Variants in KLHL1 observed in about 807,000 individuals in gnomAD.
KLHL1 encodes kelch-like protein 1.
A neutral mutation model predicts 77.7 loss-of-function variants in KLHL1; 47 were observed. That is an observed-to-expected ratio of 0.60 (90% CI 0.48 to 0.77). KLHL1 has a LOEUF of 0.77. Among genes scored for constraint, KLHL1 ranks in the 30% least tolerant of loss-of-function variants. The pLI is 0.00. For synonymous variants in KLHL1, 360 were observed against 325.2 expected (o/e 1.11, Z -1.15); for missense variants, 925 against 910.8 (o/e 1.02, Z -0.20).
intron 4 of KLHL1, among the ~76,000 whole-genome samples, chr13:69,906,308 T>C (rs550528888): frequency 6.6e-6 from 1 of 152,102 alleles, no homozygotes; most frequent in South Asian, 2.1e-4. Context: ...TGTCTTTGAT[T>C]TTATTCAGTG....
intron 1 of KLHL1, among the ~76,000 whole-genome samples, chr13:70,105,067 T>C (rs1312819932): frequency 6.6e-6 from 1 of 152,016 alleles, no homozygotes; most frequent in Non-Finnish European, 1.5e-5. Flanking sequence ...ATTTGTCTAG[T>C]AAGAAACTAG....
chr13:69,867,392 T>C (rs1301965543), intron 5 of KLHL1, among the ~76,000 whole-genome samples: 5 of 152,076 alleles, frequency 3.3e-5, no homozygotes, highest in Admixed American at 3.3e-4. Flanking sequence ...ACAATCAATA[T>C]TTGTTTCAGT....
At chr13:70,002,959 A>C (rs527733659) in intron 1 of KLHL1, among the ~76,000 whole-genome samples, 1 of 151,802 alleles carries the variant, frequency 6.6e-6, no homozygotes, top group East Asian at 1.9e-4. Flanking sequence ...ACACATTTAA[A>C]TACTACCTAC....
Position 69,839,132 on chromosome 13 carries a change from A to G in KLHL1, c.1258T>C (p.Phe420Leu). ...TTTTGACATTCCAGATCATTCTTAA[A>G]TAATGCATGATTTTCTAGGTCAGCC... Reference protein sequence around the residue: ...ILADLENHALFKNDLECQKLI... With the variant: ...ILADLENHALLKNDLECQKLI... The change falls in exon 6 of 11, where the codon TTT becomes CTT. Residue 420 changes from phenylalanine to leucine, a missense_variant. Physicochemically the swap from Phe to Leu is conservative, Grantham distance 22. Transcript: ENST00000377844. The G allele has an allele frequency of 1.9e-6, 3 of 1,605,106 alleles. No homozygotes were observed. The highest frequency in any genetic ancestry group is 2.6e-6 in the Non-Finnish European group (3 of 1,175,056).
At chr13:70,053,509 G>A (rs1339942250) in intron 1 of KLHL1, among the ~76,000 whole-genome samples, 1 of 151,772 alleles carries the variant, frequency 6.6e-6, no homozygotes, top group African/African-American at 2.4e-5. Flanking sequence ...AGAGAAATAA[G>A]GAAATTAATT....
chr13:69,986,959 G>A (rs57361427), intron 1 of KLHL1, among the ~76,000 whole-genome samples: 23,614 of 151,658 alleles, frequency 0.16, 3,893 homozygotes, highest in African/African-American at 0.42. Context: ...ATATCCAACA[G>A]TAAATAATAT....
In KLHL1 at chr13:69,719,460, C is replaced by T; in HGVS notation, c.1924G>A (p.Val642Met). The T allele has an allele frequency of 1.2e-6, 2 of 1,613,602 alleles. No homozygotes were observed. Among genetic ancestry groups the T allele is most frequent in the Non-Finnish European group, 1.7e-6 (2 of 1,179,770 alleles). ...PMCKRRGGVG[V>M]ATCDGFLYAV... ...TAAAGAAAACCGTCACATGTGGCCA[C>T]TCCGACACCCCCTCTCCTCTTACAC... Residue 642 changes from valine (V) to methionine (M), a missense_variant, in exon 9 of 11, where the codon GTG (valine) becomes ATG (methionine). Val to Met is a conservative substitution (Grantham distance 21). Transcript: ENST00000377844.
At chr13:69,793,989 T>G (rs2138033050) in intron 7 of KLHL1, among the ~76,000 whole-genome samples, 1 of 152,264 alleles carries the variant, frequency 6.6e-6, no homozygotes, top group Non-Finnish European at 1.5e-5. Flanking sequence ...AGTGCAGAAC[T>G]TGCCAGAACT....
intron 5 of KLHL1, among the ~76,000 whole-genome samples, chr13:69,862,901 T>A (rs539560840): frequency 5.1e-4 from 78 of 152,244 alleles, no homozygotes; most frequent in Admixed American, 2.9e-3. Context: ...AATACATTTC[T>A]GATGTTTAAG....
chr13:69,919,850 T>G (rs950233771), intron 4 of KLHL1, among the ~76,000 whole-genome samples: 3 of 152,204 alleles, frequency 2.0e-5, no homozygotes, highest in African/African-American at 4.8e-5. Context: ...TTATTTCAGT[T>G]CTGACTATTC....
Position 69,859,935 on chromosome 13 carries a change from C to G in KLHL1, c.1228-20773G>C, listed in dbSNP as rs553688807. Reference sequence around the variant, plus strand: ...TCAGGAATAATAGAAGAAATTACAACAGAAAAACTCAATCTATCATCTGAA... The same window carrying G: ...TCAGGAATAATAGAAGAAATTACAAGAGAAAAACTCAATCTATCATCTGAA... On this transcript the variant is annotated intron_variant, in intron 5 of 10. Coordinates refer to ENST00000377844, the MANE Select transcript of KLHL1 (RefSeq NM_020866.3). Among the ~76,000 whole-genome samples the G allele has an allele frequency of 1.2e-3, 183 of 152,046 alleles. 2 individuals are homozygous for G. The highest frequency in any genetic ancestry group is 4.3e-3 in the African/African-American group (177 of 41,480).
chr13:70,095,461 A>T (rs1334421139), intron 1 of KLHL1, among the ~76,000 whole-genome samples: 1 of 152,188 alleles, frequency 6.6e-6, no homozygotes, highest in Non-Finnish European at 1.5e-5. Context: ...TCTGGGATTC[A>T]TCTATGTCCC....
chr13:69,919,283 T>G (rs1255468883), intron 4 of KLHL1, among the ~76,000 whole-genome samples: 1 of 152,190 alleles, frequency 6.6e-6, no homozygotes, highest in East Asian at 1.9e-4. Context: ...TAGAAATCTG[T>G]GCTTGTTATT....
intron 4 of KLHL1, among the ~76,000 whole-genome samples, chr13:69,928,169 T>G (rs566937960): frequency 6.6e-6 from 1 of 152,336 alleles, no homozygotes; most frequent in Non-Finnish European, 1.5e-5. Context: ...AGAACCTGAA[T>G]TCCAGTGGAA....
intron 2 of KLHL1, among the ~76,000 whole-genome samples, chr13:69,968,607 T>C (rs1417037754): frequency 6.6e-6 from 1 of 151,916 alleles, no homozygotes; most frequent in Admixed American, 6.6e-5. Flanking sequence ...AATATATGAA[T>C]TCTTATTTGT....
intron 4 of KLHL1, among the ~76,000 whole-genome samples, chr13:69,899,743 C>G (rs1159953528): frequency 1.3e-5 from 2 of 152,050 alleles, no homozygotes; most frequent in East Asian, 1.9e-4. Context: ...GGAAGGAGGT[C>G]TGGGATAACC....
chr13:69,950,424 A>G (rs1400588093), intron 3 of KLHL1, among the ~76,000 whole-genome samples: 1 of 151,632 alleles, frequency 6.6e-6, no homozygotes, highest in East Asian at 1.9e-4. Flanking sequence ...ACAATAGAGA[A>G]CATGTCTTAT....
intron 1 of KLHL1, among the ~76,000 whole-genome samples, chr13:70,088,864 AC>A (rs1887608746): frequency 6.6e-6 from 1 of 152,006 alleles, no homozygotes; most frequent in African/African-American, 2.4e-5. Context: ...AGAAAAAAAA[AC>A]TTATCAGGGC....
At chr13:69,882,524 T>C in intron 4 of KLHL1, 29 bp from the exon 5 acceptor site, 2 of 1,516,054 alleles carry the variant, frequency 1.3e-6, no homozygotes, top group Non-Finnish European at 1.8e-6. Context: ...TTGGCATAAA[T>C]TCTGTTTCAC....
Sources: gnomAD v4.1 joint callset for allele counts (sites outside exome capture counted in the v4.1 genomes callset) on GRCh38, gnomAD v4.1.1 for gene constraint, MANE v1.5 for transcripts, NCBI Gene and HGNC (gene_info 2026-07-23, HGNC 2026-07-21) for gene names.